Variants in RBPJ observed in about 807,000 individuals in gnomAD.
RBPJ encodes the protein recombining binding protein suppressor of hairless.
A neutral mutation model predicts 67.8 loss-of-function variants in RBPJ; 9 were observed. That is an observed-to-expected ratio of 0.13 (90% CI 0.08 to 0.23). The LOEUF (loss-of-function observed/expected upper bound fraction) is 0.23. RBPJ is among the 10% of genes least tolerant of loss of function. RBPJ has a pLI of 1.00. For synonymous variants in RBPJ, 198 were observed against 203.3 expected, an observed-to-expected ratio of 0.97 and a Z score of 0.22; for missense variants, 305 against 595.6, an observed-to-expected ratio of 0.51 and a Z score of 5.08.
chr4:26,286,200 T>C (rs1420452162), intron 1 of RBPJ, among the ~76,000 whole-genome samples: 1 of 152,112 alleles, frequency 6.6e-6, no homozygotes, highest in Non-Finnish European at 1.5e-5. Context: ...TACTGTGGGC[T>C]GGGCATGATG....
At chr4:26,131,776 C>A in the RBPJ span, among the ~76,000 whole-genome samples, 58 of 152,300 alleles carry the variant, frequency 3.8e-4, no homozygotes, top group African/African-American at 1.4e-3. Context: ...TTCAGACTTG[C>A]GGCTTCCCAA....
chr4:26,126,313 T>TCCCGCC, the RBPJ span, among the ~76,000 whole-genome samples: 2 of 150,898 alleles, frequency 1.3e-5, no homozygotes, highest in Non-Finnish European at 2.9e-5. Context: ...TTTTTTGGCT[T>TCCCGCC]CCCGCCCCCA....
chr4:26,277,000 G>T (rs1024354384), intron 1 of RBPJ, among the ~76,000 whole-genome samples: 3 of 152,002 alleles, frequency 2.0e-5, no homozygotes, highest in Non-Finnish European at 4.4e-5. Flanking sequence ...ACCTGGCTGG[G>T]TGCAGGAGAA....
chr4:26,263,185 T>C (rs1424300860), intron 1 of RBPJ, among the ~76,000 whole-genome samples: 1 of 152,172 alleles, frequency 6.6e-6, no homozygotes, highest in Non-Finnish European at 1.5e-5. Context: ...ATAAAACTGC[T>C]CATCTATTTG....
At chr4:26,344,468 C>T (rs984560049) in intron 1 of RBPJ, among the ~76,000 whole-genome samples, 10 of 151,520 alleles carry the variant, frequency 6.6e-5, no homozygotes, top group Admixed American at 2.0e-4. Context: ...ATCTCCTGAC[C>T]TCGTGATCCC....
At chr4:26,303,787 T>A (rs977160770) in intron 1 of RBPJ, among the ~76,000 whole-genome samples, 9 of 152,308 alleles carry the variant, frequency 5.9e-5, no homozygotes, top group Non-Finnish European at 1.2e-4. Context: ...TCTATTTTTT[T>A]AAATACTATA....
At chr4:26,418,644 A>G (rs1438593091) in intron 4 of RBPJ, among the ~76,000 whole-genome samples, 2 of 152,098 alleles carry the variant, frequency 1.3e-5, no homozygotes, top group Admixed American at 6.6e-5. Flanking sequence ...TCTTTCTGAT[A>G]TGGATCTTAC....
upstream of RBPJ, among the ~76,000 whole-genome samples, chr4:26,316,222 T>C (rs1245152857): frequency 2.0e-5 from 3 of 150,688 alleles, no homozygotes; most frequent in Admixed American, 6.6e-5. Flanking sequence ...AGTCTCTCCG[T>C]TCAGGGTCCC....
At chr4:26,305,208 A>G (rs1722195371) in intron 1 of RBPJ, among the ~76,000 whole-genome samples, 1 of 152,308 alleles carries the variant, frequency 6.6e-6, no homozygotes, top group Middle Eastern at 3.4e-3. Flanking sequence ...GTCTGTCCTT[A>G]TCCAGCACCA....
chr4:26,336,757 T>G (rs900890210), intron 1 of RBPJ, among the ~76,000 whole-genome samples: 4 of 152,024 alleles, frequency 2.6e-5, no homozygotes, highest in Non-Finnish European at 5.9e-5. Context: ...ACACTGTATA[T>G]GTAGTTTTTT....
intron 1 of RBPJ, among the ~76,000 whole-genome samples, chr4:26,337,670 T>C (rs897705129): frequency 2.8e-4 from 42 of 147,962 alleles, no homozygotes; most frequent in African/African-American, 1.0e-3. Context: ...TATATACTTA[T>C]AATTCTTTAT....
chr4:26,394,404 A>G (rs1300050923), intron 2 of RBPJ, among the ~76,000 whole-genome samples: 2 of 151,840 alleles, frequency 1.3e-5, no homozygotes, highest in East Asian at 1.9e-4. Flanking sequence ...TTGGCTTTTA[A>G]GGACGTCCCA....
chr4:26,390,486 T>C (rs1577590702), intron 2 of RBPJ, among the ~76,000 whole-genome samples: 2 of 152,348 alleles, frequency 1.3e-5, no homozygotes, highest in African/African-American at 4.8e-5. Flanking sequence ...ATCATATGTA[T>C]AGAAAATTCT....
chr4:26,279,850 C>G (rs941161635), intron 1 of RBPJ, among the ~76,000 whole-genome samples: 1 of 144,880 alleles, frequency 6.9e-6, no homozygotes, highest in South Asian at 2.2e-4. Context: ...TGCAGTGTCT[C>G]GAACAAGGCT....
chr4:26,405,968 G>T (rs531317501), intron 2 of RBPJ, among the ~76,000 whole-genome samples: 2 of 152,256 alleles, frequency 1.3e-5, no homozygotes, highest in African/African-American at 4.8e-5. Flanking sequence ...ACAAGGAATA[G>T]AATTGAAAAT....
chr4:26,378,269 T>G (rs1729964478), intron 1 of RBPJ, among the ~76,000 whole-genome samples: 1 of 152,202 alleles, frequency 6.6e-6, no homozygotes, highest in Non-Finnish European at 1.5e-5. Flanking sequence ...AGGCATTTGA[T>G]GTCAGTTTGT....
chr4:26,237,467 A>C (rs183378059), intron 1 of RBPJ, among the ~76,000 whole-genome samples: 1 of 152,324 alleles, frequency 6.6e-6, no homozygotes, highest in Admixed American at 6.5e-5. Flanking sequence ...TCCTAGGATT[A>C]AATAATAAGA....
At chr4:26,135,475 G>A in the RBPJ span, among the ~76,000 whole-genome samples, 23 of 152,038 alleles carry the variant, frequency 1.5e-4, no homozygotes, top group Admixed American at 5.9e-4. Flanking sequence ...AGCAATCCTC[G>A]TTTTACAGCT....
Position 26,430,423 on chromosome 4 carries a change from A to C in RBPJ, c.1049A>C (p.Asn350Thr). 1 of 1,612,522 alleles carries C rather than the reference A, an allele frequency of 6.2e-7. No homozygotes were observed. Among genetic ancestry groups the C allele is most frequent in the Non-Finnish European group, 8.5e-7 (1 of 1,179,096 alleles). ...PVPVVESLQL[N>T]GGGDVAMLEL... ...GTGATTTTCTGTGAATTGCAGTTGAATGGCGGTGGGGACGTAGCAATGCTT... is the reference window on the plus strand; with the variant it reads ...GTGATTTTCTGTGAATTGCAGTTGACTGGCGGTGGGGACGTAGCAATGCTT... The change falls in exon 10 of 11, where the codon AAT becomes ACT. Residue 350 changes from asparagine (N) to threonine (T), a missense_variant. Transcript: ENST00000355476. This position sits in a 1 kb window ranked among gnomAD's most constrained non-coding sequence, Gnocchi z 4.1.
Sources: allele counts gnomAD v4.1 joint callset (sites outside exome capture counted in the v4.1 genomes callset), GRCh38; gene constraint gnomAD v4.1.1; non-coding constraint Gnocchi (gnomAD v3.1); transcripts MANE v1.5; gene names NCBI Gene and HGNC (gene_info 2026-07-23, HGNC 2026-07-21).